The following IL4I1 variants were observed in gnomAD, a reference collection of about 807,000 sequenced individuals.
The protein encoded by IL4I1 is L-amino-acid oxidase.
Under a neutral mutation model 29.7 loss-of-function variants are expected in IL4I1, and 24 were observed. The ratio of observed to expected loss-of-function variants is 0.81; its 90% CI spans 0.59 to 1.14. IL4I1 has a LOEUF of 1.14. IL4I1 is among the 50% of genes most tolerant of loss of function. The pLI, the probability that IL4I1 is intolerant of heterozygous loss-of-function variation, is 0.00. For synonymous variants in IL4I1, 371 were observed against 352.5 expected, an observed-to-expected ratio of 1.05 and a Z score of -0.59; for missense variants, 686 against 785.6, an observed-to-expected ratio of 0.87 and a Z score of 1.52.
chr19:49,908,595 C>A, intron 2 of IL4I1: 2 of 1,614,090 alleles, frequency 1.2e-6, no homozygotes, highest in East Asian at 4.5e-5. Context: ...CTCAGCAGGT[C>A]TTCCAGCTCC....
At chr19:49,908,971 G>A (rs2075388420) in intron 2 of IL4I1, 1 of 1,608,390 alleles carries the variant, frequency 6.2e-7, no homozygotes, top group African/African-American at 1.3e-5. Context: ...TGGTGGTGGT[G>A]GCGGTGGCGG....
At chr19:49,906,809 A>G (rs1340833704) in intron 2 of IL4I1, 2 of 152,238 alleles carry the variant, frequency 1.3e-5, no homozygotes, top group African/African-American at 2.4e-5. Context: ...ACATTTATCC[A>G]TATTAACAGC....
At chr19:49,925,992 C>T (rs1474228944) in intron 2 of IL4I1, among the ~76,000 whole-genome samples, 4 of 152,114 alleles carry the variant, frequency 2.6e-5, no homozygotes, top group South Asian at 2.1e-4. Context: ...AGGCAGATCA[C>T]GAGGTCATGA....
In IL4I1 at chr19:49,922,460, T is replaced by A. The variant is rs570299711; in HGVS notation, c.-228+5234A>T. 2.2e-4 allele frequency among the ~76,000 whole-genome samples: 34 copies of A among 151,926 alleles called. 1 individual carries two copies. Among genetic ancestry groups the A allele is most frequent in the Admixed American group, 2.0e-3 (30 of 15,264 alleles). On this transcript the variant is annotated intron_variant, in intron 2 of 9. Transcript: ENST00000341114. ...CTCCTTCACATGGGACCGGGCTGTG[T>A]CGGAATGAAGCCCTACTCCGTCTCA...
chr19:49,901,804 G>T, upstream of IL4I1: 2 of 981,590 alleles, frequency 2.0e-6, no homozygotes, highest in Non-Finnish European at 2.9e-6. Flanking sequence ...TGATATTGGG[G>T]TCAGAGCAGC....
In IL4I1 at chr19:49,896,145, C is replaced by T. The variant is rs751757910; in HGVS notation, c.13+3G>A. The T allele has an allele frequency of 6.5e-7, 1 of 1,549,684 alleles. No homozygotes were observed. Among genetic ancestry groups the T allele is most frequent in the East Asian group, 2.4e-5 (1 of 42,032 alleles). On this transcript the variant is annotated splice_donor_region_variant and intron_variant, in intron 2 of 7. Coordinates refer to ENST00000391826, the MANE Select transcript of IL4I1 (RefSeq NM_152899.2). ...TTCCAGAGCCCCTCCCCTGCTTACT[C>T]ACCCAATGGGGCCATGACTCTCGGT...
At chr19:49,917,883 T>A (rs1486103990) in intron 2 of IL4I1, 1 of 152,078 alleles carries the variant, frequency 6.6e-6, no homozygotes, top group African/African-American at 2.4e-5. Context: ...AATATAAAAA[T>A]TAGCCAGGTG....
intron 2 of IL4I1, among the ~76,000 whole-genome samples, chr19:49,926,533 AAAACC>A (rs150522332): frequency 0.34 from 51,334 of 151,482 alleles, 8,990 homozygotes; most frequent in East Asian, 0.43. Flanking sequence ...CTGTCTCAAA[AAAACC>A]AAACCAAACC....
At position 49,890,334 on chromosome 19, in the gene IL4I1, A is replaced by G. The variant is rs758217745; in HGVS notation, c.1040T>C (p.Leu347Pro). Residue 347 changes from leucine (L) to proline (P), a missense_variant, in exon 8 of 8, where the codon CTG becomes CCG. Leu to Pro is a moderately conservative substitution (Grantham distance 98, BLOSUM62 -3). Transcript: ENST00000391826. ...PRHMQEALRR[L>P]HYVPATKVFL... ...CACCTTGGTGGCCGGCACGTAGTGC[A>G]GCCTCCGCAGCGCCTCCTGCATGTG... The G allele has an allele frequency of 6.2e-7, 1 of 1,608,126 alleles. No homozygotes were observed. The highest frequency in any genetic ancestry group is 8.5e-7 in the Non-Finnish European group (1 of 1,178,190).
chr19:49,892,077 CTTT>C (rs773013384), intron 5 of IL4I1, among the ~76,000 whole-genome samples: 2 of 120,182 alleles, frequency 1.7e-5, no homozygotes, highest in Non-Finnish European at 1.7e-5. Flanking sequence ...CCCTCAATGT[CTTT>C]TTTTTTTTTT....
At position 49,896,632 on chromosome 19, in the gene IL4I1, C is replaced by G. The variant is rs865869928; in HGVS notation, c.-23+203G>C. Among the ~76,000 whole-genome samples the G allele has an allele frequency of 2.6e-5, 4 of 152,228 alleles. No homozygotes were observed. In the South Asian group the frequency reaches 8.3e-4, roughly 32 times the overall value. On this transcript the variant is annotated intron_variant, in intron 1 of 7. Coordinates refer to ENST00000391826, the MANE Select transcript of IL4I1 (RefSeq NM_152899.2). ...TATTTTTAGTAGAGACGGGGTTTCGCCATGTTGGCCAGGCTGGTCTCGAAC... is the reference window on the plus strand; with the variant it reads ...TATTTTTAGTAGAGACGGGGTTTCGGCATGTTGGCCAGGCTGGTCTCGAAC...
At chr19:49,908,712 T>A in intron 2 of IL4I1, 1 of 1,612,846 alleles carries the variant, frequency 6.2e-7, no homozygotes, top group Non-Finnish European at 8.5e-7. Context: ...CCATTCTCGA[T>A]CAGCGTGCGG....
Position 49,908,572 on chromosome 19 carries a change from C to A in IL4I1, c.-227-4251G>T, listed in dbSNP as rs138767204. ...TGGTCCCGCTCTGCTCCTTGACCAA[C>A]TCCTCCAGTGGGCTCAGCAGGTCTT... On this transcript the variant is annotated intron_variant, in intron 2 of 9. Coordinates refer to the IL4I1 transcript ENST00000341114. The A allele has an allele frequency of 2.0e-4, 327 of 1,614,094 alleles. No individual in the cohort carries two copies. Among genetic ancestry groups the A allele is most frequent in the Non-Finnish European group, 2.5e-4 (294 of 1,180,054 alleles).
At chr19:49,924,374 C>T (rs12610164) in intron 2 of IL4I1, among the ~76,000 whole-genome samples, 46,212 of 151,986 alleles carry the variant, frequency 0.3, 7,801 homozygotes, top group Non-Finnish European at 0.36. Flanking sequence ...TCTTGCTGTG[C>T]GGGGGTTCTC....
rs771460724 is a variant in IL4I1, at chr19:49,890,461, G to GA, written c.912dup (p.Pro305SerfsTer66). 1.2e-6 allele frequency: 2 copies of GA among 1,611,974 alleles called. No homozygotes were observed. Among genetic ancestry groups the GA allele is most frequent in the South Asian group, 2.2e-5 (2 of 91,082 alleles). On this transcript the variant is annotated frameshift_variant, in exon 8 of 8. Transcript: ENST00000391826. LOFTEE classifies it low-confidence loss of function (END_TRUNC). ...AGCACCTTCAGATTCCGCGCCGGGG[G>GA]AGAGGTCTCGATCTGCACGTGCACA... is the stretch of plus-strand genomic sequence containing the variant.
At position 49,895,984 on chromosome 19, in the gene IL4I1, C is replaced by T. The variant is rs141664132; in HGVS notation, c.83G>A (p.Arg28His). 64 of 1,614,048 alleles carry T rather than the reference C, an allele frequency of 4.0e-5. No individual in the cohort carries two copies. Among genetic ancestry groups the T allele is most frequent in the Non-Finnish European group, 4.2e-5 (49 of 1,180,038 alleles). Residue 28 changes from arginine (R) to histidine (H), a missense_variant, in exon 3 of 8, where the codon CGC (arginine) becomes CAC (histidine). Coordinates refer to ENST00000391826, the MANE Select transcript of IL4I1 (RefSeq NM_152899.2). ...GCATTTCTCGAAGGGGTCTTGGCTG[C>T]GTTCAGCCTTCCAGTCCTGGGAGGC... ...LVASQDWKAE[R>H]SQDPFEKCMQ...
upstream of IL4I1, among the ~76,000 whole-genome samples, chr19:49,897,125 G>A (rs930538997): frequency 6.6e-6 from 1 of 152,168 alleles, no homozygotes; most frequent in African/African-American, 2.4e-5. Context: ...TCAGGTAACC[G>A]TGCCAACAAC....
At chr19:49,917,674 G>A (rs1600533613) in intron 2 of IL4I1, 1 of 152,440 alleles carries the variant, frequency 6.6e-6, no homozygotes, top group Non-Finnish European at 1.5e-5. Flanking sequence ...CGGTGGCCTG[G>A]GCTTTCCTGT....
intron 2 of IL4I1, among the ~76,000 whole-genome samples, chr19:49,912,498 T>G (rs548618248): frequency 6.6e-6 from 1 of 151,938 alleles, no homozygotes; most frequent in African/African-American, 2.4e-5. Flanking sequence ...AGTGCCACAT[T>G]GGTTTCCAAT....
Sources: gnomAD v4.1 joint callset for allele counts (sites outside exome capture counted in the v4.1 genomes callset) on GRCh38, gnomAD v4.1.1 for gene constraint, MANE v1.5 for transcripts, NCBI Gene and HGNC (gene_info 2026-07-23, HGNC 2026-07-21) for gene names.